CLASP2: variants seen among roughly 807,000 people sequenced by gnomAD.
CLASP2 encodes CLIP-associating protein 2.
CLASP2 carries 47 observed loss-of-function variants against 194.4 expected under a neutral mutation model. That is an observed-to-expected ratio of 0.24 (90% CI 0.19 to 0.31). The LOEUF (loss-of-function observed/expected upper bound fraction) is 0.31. Among genes scored for constraint, CLASP2 ranks in the 10% least tolerant of loss-of-function variants. The probability of loss-of-function intolerance (pLI) is 1.00; values close to 1 mark genes in which losing one functional copy is unlikely to be tolerated. For synonymous variants in CLASP2, 619 were observed against 633.5 expected (o/e 0.98, Z 0.34); for missense variants, 1,445 against 1,823.6 (o/e 0.79, Z 3.78).
chr3:33,528,026 T>C (rs764290141), intron 34 of CLASP2, among the ~76,000 whole-genome samples: 12 of 152,012 alleles, frequency 7.9e-5, no homozygotes, highest in Non-Finnish European at 1.8e-4. Flanking sequence ...TTGATGAACA[T>C]CAATGCAAAA....
chr3:33,591,378 C>T (rs766983824), intron 21 of CLASP2, among the ~76,000 whole-genome samples: 15 of 152,188 alleles, frequency 9.9e-5, no homozygotes, highest in Middle Eastern at 3.4e-3. Flanking sequence ...TCTGGGAGGC[C>T]GAGGTGGGAG....
chr3:33,683,892 A>G lies in CLASP2; in HGVS notation c.644+467T>C, dbSNP rs562121789. ...GATGCAGAGGTTGCAGTGAGCCAAG[A>G]TTGTGCTACTGCACTCCAGCCTGAG... On this transcript the variant is annotated intron_variant, in intron 6 of 38. Transcript: ENST00000682230. 1.2e-4 allele frequency among the ~76,000 whole-genome samples: 17 copies of G among 145,868 alleles called. No individual in the cohort carries two copies. The South Asian group carries it at 3.9e-3, about 33-fold the overall frequency.
intron 33 of CLASP2, among the ~76,000 whole-genome samples, chr3:33,538,009 C>T (rs960452027): frequency 7.9e-5 from 12 of 152,208 alleles, no homozygotes; most frequent in African/African-American, 1.4e-4. Flanking sequence ...GGCATGGTGG[C>T]GGGCGCCTGT....
At chr3:33,706,273 G>A (rs2092680444) in intron 1 of CLASP2, among the ~76,000 whole-genome samples, 1 of 151,990 alleles carries the variant, frequency 6.6e-6, no homozygotes, top group Admixed American at 6.6e-5. Context: ...AACACACAAA[G>A]ACACAATGAT....
At chr3:33,512,914 C>G (rs1382249343) in intron 36 of CLASP2, among the ~76,000 whole-genome samples, 1 of 151,982 alleles carries the variant, frequency 6.6e-6, no homozygotes, top group Non-Finnish European at 1.5e-5. Context: ...CGCTTGAACC[C>G]AGAGAGGCAG....
At chr3:33,665,937 CAG>C (rs2086100949) in intron 6 of CLASP2, among the ~76,000 whole-genome samples, 1 of 152,088 alleles carries the variant, frequency 6.6e-6, no homozygotes. Context: ...AAAAATACAA[CAG>C]AGACTGGATT....
intron 37 of CLASP2, among the ~76,000 whole-genome samples, chr3:33,508,743 G>C (rs1288204095): frequency 2.0e-5 from 3 of 152,202 alleles, no homozygotes; most frequent in Admixed American, 6.5e-5. Flanking sequence ...GGTAGTCTAT[G>C]AGCTTTGATT....
intron 7 of CLASP2, among the ~76,000 whole-genome samples, chr3:33,661,832 TA>T (rs538065141): frequency 2.0e-5 from 3 of 152,122 alleles, no homozygotes; most frequent in Non-Finnish European, 4.4e-5. Context: ...AAAGAGAGAA[TA>T]AAAACAGGGA....
At chr3:33,652,783 C>T (rs756377060) in intron 7 of CLASP2, among the ~76,000 whole-genome samples, 6 of 152,184 alleles carry the variant, frequency 3.9e-5, no homozygotes, top group Admixed American at 6.5e-5. Context: ...ACTGATCTCC[C>T]TAAGTCCTCC....
chr3:33,557,116 G>A (rs1394580754), intron 29 of CLASP2, among the ~76,000 whole-genome samples: 2 of 151,876 alleles, frequency 1.3e-5, no homozygotes, highest in African/African-American at 2.4e-5. Flanking sequence ...TGGGACTACA[G>A]GTGCCCAACA....
At chr3:33,608,500 C>T (rs1308045721) in intron 14 of CLASP2, 67 bp downstream of exon 14, 21 of 1,220,366 alleles carry the variant, frequency 1.7e-5, no homozygotes, top group East Asian at 4.7e-5. Context: ...AAAACCAATA[C>T]CATCAACTTC....
At chr3:33,588,049 T>C (rs1051068187) in intron 21 of CLASP2, among the ~76,000 whole-genome samples, 1 of 152,210 alleles carries the variant, frequency 6.6e-6, no homozygotes, top group Non-Finnish European at 1.5e-5. Flanking sequence ...CTAGATTTAC[T>C]GAATTTATTA....
chr3:33,717,993 G>C lies in CLASP2; in HGVS notation c.10C>G (p.Arg4Gly). The C allele has an allele frequency of 6.7e-7, 1 of 1,498,026 alleles. No homozygotes were observed. Among genetic ancestry groups the C allele is most frequent in the Non-Finnish European group, 8.9e-7 (1 of 1,128,680 alleles). The allele number at this position is 1,498,026 out of a possible 1,614,324, so 92.8% of individuals were successfully genotyped here. MEP[R>G]SMEYFCAQVQ... Reference sequence around the variant, plus strand: ...TGGGCGCAGAAGTACTCCATGCTGCGGGGCTCCATGGCTGCGGCCGCCCGC... The same window carrying C: ...TGGGCGCAGAAGTACTCCATGCTGCCGGGCTCCATGGCTGCGGCCGCCCGC... The change falls in exon 1 of 39, where the codon CGC becomes GGC. Residue 4 changes from arginine to glycine, a missense_variant. Arg to Gly is a moderately radical substitution (Grantham distance 125). Around this residue, in one of 4 missense-constraint regions of CLASP2, gnomAD observed 332 missense variants for 325.3 expected, o/e 1.02. Coordinates refer to ENST00000682230, the MANE Select transcript of CLASP2 (RefSeq NM_001365631.1).
intron 3 of CLASP2, among the ~76,000 whole-genome samples, chr3:33,688,984 A>G (rs1375134056): frequency 6.6e-6 from 1 of 152,158 alleles, no homozygotes; most frequent in Non-Finnish European, 1.5e-5. Flanking sequence ...TTACAAACGT[A>G]AAGCCAACTG....
At chr3:33,560,319 T>A (rs2061610768) in intron 28 of CLASP2, among the ~76,000 whole-genome samples, 1 of 152,012 alleles carries the variant, frequency 6.6e-6, no homozygotes, top group South Asian at 2.1e-4. Context: ...CTCGGCTCAC[T>A]GCAACCTCCA....
intron 6 of CLASP2, among the ~76,000 whole-genome samples, chr3:33,667,406 C>CAAAAAAAAAAAAAAAAA (rs537846651): frequency 0.01 from 452 of 44,094 alleles, 67 homozygotes; most frequent in African/African-American, 0.041. Context: ...GAGACTATCT[C>CAAAAAAAAAAAAAAAAA]AAAAAAAAAA....
intron 37 of CLASP2, among the ~76,000 whole-genome samples, chr3:33,509,690 C>A (rs923428812): frequency 6.7e-6 from 1 of 148,340 alleles, no homozygotes; most frequent in African/African-American, 2.5e-5. Context: ...TAATATTAGT[C>A]AGCCATTAAA....
intron 23 of CLASP2, among the ~76,000 whole-genome samples, chr3:33,580,090 C>T (rs901278770): frequency 6.6e-6 from 1 of 152,134 alleles, no homozygotes; most frequent in African/African-American, 2.4e-5. Flanking sequence ...GTTCTTTTTA[C>T]TTTGGCACCT....
Position 33,656,174 on chromosome 3 carries a change from G to A in CLASP2, c.715+7271C>T, listed in dbSNP as rs1258311826. Among the ~76,000 whole-genome samples the A allele has an allele frequency of 2.6e-5, 4 of 152,250 alleles. No homozygotes were observed. In the South Asian group the frequency reaches 8.3e-4, roughly 32 times the overall value. ...ATTCATAAGTGAAAGCCATTATAGTGCTTCACAAACCCAAGTTTGCCTAGA... is the reference window on the plus strand; with the variant it reads ...ATTCATAAGTGAAAGCCATTATAGTACTTCACAAACCCAAGTTTGCCTAGA... On this transcript the variant is annotated intron_variant, in intron 7 of 38. Coordinates refer to ENST00000682230, the MANE Select transcript of CLASP2 (RefSeq NM_001365631.1).
Sources: gnomAD v4.1 joint callset for allele counts (sites outside exome capture counted in the v4.1 genomes callset) on GRCh38, gnomAD v4.1.1 for gene constraint, gnomAD v4.1.1 regional missense constraint, MANE v1.5 for transcripts, NCBI Gene and HGNC (gene_info 2026-07-23, HGNC 2026-07-21) for gene names.